The following RYR2 variants were observed in gnomAD, a reference collection of about 807,000 sequenced individuals.
RYR2 encodes the protein cardiac muscle ryanodine receptor-calcium release channel.
RYR2 carries 227 observed loss-of-function variants against 601.1 expected under a neutral mutation model. The ratio of observed to expected loss-of-function variants is 0.38; its 90% CI spans 0.34 to 0.42. RYR2 has a LOEUF of 0.42. Ranked by LOEUF, RYR2 falls within the 10% of genes least tolerant of loss-of-function variation. RYR2 has a pLI of 1.00. For missense variants in RYR2, 4,646 were observed against 6,156.5 expected (o/e 0.75, Z 8.21); for synonymous variants, 2,223 against 2,175.1 (o/e 1.02, Z -0.61).
intron 1 of RYR2, among the ~76,000 whole-genome samples, chr1:237,049,786 G>A (rs547182354): frequency 6.6e-6 from 1 of 152,302 alleles, no homozygotes; most frequent in East Asian, 1.9e-4. Flanking sequence ...TCTCATGTCA[G>A]TAGCCCTCTT....
chr1:237,094,350 G>A (rs6428992), intron 1 of RYR2, among the ~76,000 whole-genome samples: 63,326 of 151,930 alleles, frequency 0.42, 13,807 homozygotes, highest in South Asian at 0.59. Context: ...GCTCTTAGGC[G>A]TTTTTAAAAG....
chr1:237,519,717 G>A (rs1384914284), intron 24 of RYR2, among the ~76,000 whole-genome samples: 1 of 152,132 alleles, frequency 6.6e-6, no homozygotes, highest in Non-Finnish European at 1.5e-5. Context: ...CAGGTAATAT[G>A]ATGCCTCCTT....
intron 71 of RYR2, among the ~76,000 whole-genome samples, chr1:237,713,407 GT>G (rs1282342365): frequency 6.6e-6 from 1 of 151,914 alleles, no homozygotes; most frequent in Non-Finnish European, 1.5e-5. Flanking sequence ...TGTTTGTTTT[GT>G]TTTTTTGAGA....
intron 3 of RYR2, among the ~76,000 whole-genome samples, chr1:237,338,573 G>A (rs1427236232): frequency 3.3e-5 from 5 of 152,170 alleles, no homozygotes; most frequent in Non-Finnish European, 5.9e-5. Context: ...AATAGTGAGT[G>A]TGGTATTATT....
intron 25 of RYR2, among the ~76,000 whole-genome samples, chr1:237,532,801 T>C (rs954123617): frequency 6.6e-6 from 1 of 152,184 alleles, no homozygotes; most frequent in Admixed American, 6.5e-5. Flanking sequence ...GTATAGATTC[T>C]ATCTGTTATA....
At chr1:237,287,693 T>A (rs868691085) in intron 2 of RYR2, among the ~76,000 whole-genome samples, 2 of 152,212 alleles carry the variant, frequency 1.3e-5, no homozygotes, top group Non-Finnish European at 1.5e-5. Context: ...TCTAATTCCT[T>A]GAATATTTCT....
intron 12 of RYR2, among the ~76,000 whole-genome samples, chr1:237,425,050 T>C (rs927319516): frequency 8.5e-5 from 13 of 152,210 alleles, no homozygotes; most frequent in Non-Finnish European, 1.3e-4. Flanking sequence ...ATTCATTATT[T>C]AGAGTGATAA....
intron 1 of RYR2, among the ~76,000 whole-genome samples, chr1:237,167,077 C>T (rs1676790095): frequency 6.6e-6 from 1 of 152,146 alleles, no homozygotes; most frequent in South Asian, 2.1e-4. Flanking sequence ...AAAGCTGTAA[C>T]CAAAGCTTTT....
At chr1:237,291,832 A>C (rs1369420722) in intron 2 of RYR2, among the ~76,000 whole-genome samples, 2 of 152,210 alleles carry the variant, frequency 1.3e-5, no homozygotes, top group Non-Finnish European at 2.9e-5. Context: ...AAGATACTGC[A>C]GTGGTGGTTA....
intron 29 of RYR2, 85 bp from the exon 30 acceptor site, chr1:237,589,708 G>A (rs1674934679): frequency 1.5e-6 from 2 of 1,357,914 alleles, no homozygotes; most frequent in African/African-American, 2.9e-5. Flanking sequence ...ACAAAGTTCG[G>A]TCCTGGAACA....
rs544291146 is a variant in RYR2, at chr1:237,628,214, CT to C, written c.6440+142del. The C allele has an allele frequency of 2.1e-4, 231 of 1,089,118 alleles. 1 individual carries two copies. In the African/African-American group the frequency reaches 2.2e-3, roughly 10 times the overall value. 67.5% of individuals were successfully genotyped at this position (1,089,118 alleles called of 1,614,324 possible). A position where few individuals can be genotyped will look rare whatever the true frequency, so the allele number is the denominator to read the frequency against. ...ACGATTATTATACTAAATAGCTTTT[CT>C]TTTTTTTATTTATTATTATCATACT... On this transcript the variant is annotated intron_variant, in intron 41 of 104. Transcript: ENST00000366574.
At chr1:237,425,998 T>C (rs1168297491) in intron 12 of RYR2, among the ~76,000 whole-genome samples, 1 of 152,000 alleles carries the variant, frequency 6.6e-6, no homozygotes, top group Non-Finnish European at 1.5e-5. Flanking sequence ...TCATTATTCT[T>C]TATGTAATCA....
At chr1:237,680,603 G>T (rs1486621497) in intron 62 of RYR2, 26 bp downstream of exon 62, 2 of 1,570,158 alleles carry the variant, frequency 1.3e-6, no homozygotes, top group Middle Eastern at 1.7e-4. Context: ...AATAAGCACT[G>T]TTGTATGACT....
At chr1:237,310,509 C>T (rs1694440409) in intron 2 of RYR2, among the ~76,000 whole-genome samples, 1 of 152,142 alleles carries the variant, frequency 6.6e-6, no homozygotes, top group African/African-American at 2.4e-5. Flanking sequence ...ATGTAATTGA[C>T]TATTATCCTA....
chr1:237,817,679 A>G (rs921993734), intron 100 of RYR2, among the ~76,000 whole-genome samples: 1 of 152,252 alleles, frequency 6.6e-6, no homozygotes, highest in Admixed American at 6.5e-5. Context: ...TCCTAAAAGT[A>G]AAAAGCTCAA....
chr1:237,070,031 CT>C (rs3056163), intron 1 of RYR2, among the ~76,000 whole-genome samples: 46 of 135,792 alleles, frequency 3.4e-4, no homozygotes, highest in Non-Finnish European at 3.1e-4. Context: ...GGTGTTTTAA[CT>C]TTTTTTTTTT....
chr1:237,197,944 A>G (rs997719792), intron 1 of RYR2, among the ~76,000 whole-genome samples: 1 of 152,160 alleles, frequency 6.6e-6, no homozygotes, highest in African/African-American at 2.4e-5. Context: ...AAAGCAGCTG[A>G]TTTGGTCAAT....
chr1:237,402,712 T>G (rs1489824828), intron 10 of RYR2, among the ~76,000 whole-genome samples: 5 of 150,632 alleles, frequency 3.3e-5, no homozygotes. Context: ...CTCAGGAGTT[T>G]GATACCAGCC....
intron 100 of RYR2, among the ~76,000 whole-genome samples, chr1:237,814,782 G>C (rs985982397): frequency 6.6e-6 from 1 of 152,044 alleles, no homozygotes; most frequent in African/African-American, 2.4e-5. Flanking sequence ...ACCAGAGGCT[G>C]CAGGGGAAGG....
Sources: gnomAD v4.1 joint callset for allele counts (sites outside exome capture counted in the v4.1 genomes callset) on GRCh38, gnomAD v4.1.1 for gene constraint, MANE v1.5 for transcripts, NCBI Gene and HGNC (gene_info 2026-07-23, HGNC 2026-07-21) for gene names.